The following UBR2 variants were observed in gnomAD, a reference collection of about 807,000 sequenced individuals.
UBR2 encodes the protein ubiquitin protein ligase E3 component n-recognin 2.
Under a neutral mutation model 247.9 loss-of-function variants are expected in UBR2, and 92 were observed. That is an observed-to-expected ratio of 0.37 (90% CI 0.31 to 0.44). The LOEUF (loss-of-function observed/expected upper bound fraction) is 0.44. Among genes scored for constraint, UBR2 ranks in the 20% least tolerant of loss-of-function variants. The pLI is 1.00. For synonymous variants in UBR2, 672 were observed against 693.5 expected, an observed-to-expected ratio of 0.97 and a Z score of 0.49; for missense variants, 1,613 against 2,112.6, an observed-to-expected ratio of 0.76 and a Z score of 4.64.
chr6:42,658,623 A>G (rs760851955), intron 28 of UBR2, 23 bp from the exon 29 acceptor site: 1 of 1,577,160 alleles, frequency 6.3e-7, no homozygotes, highest in African/African-American at 1.4e-5. Flanking sequence ...CTAATTGTCT[A>G]ATTGAATGGA....
At position 42,603,601 on chromosome 6, in the gene UBR2, A is replaced by G; in HGVS notation, c.545A>G (p.His182Arg). 1 of 1,563,018 alleles carries G rather than the reference A, an allele frequency of 6.4e-7. No individual in the cohort carries two copies. The highest frequency in any genetic ancestry group is 1.7e-4 in the Middle Eastern group (1 of 5,886). ...TGTTTCTTTCAGGATCCTCTTGTTCATTTATCAGAAGATGTGATAGCAAGA... is the reference window on the plus strand; with the variant it reads ...TGTTTCTTTCAGGATCCTCTTGTTCGTTTATCAGAAGATGTGATAGCAAGA... ...EIEEEEDPLV[H>R]LSEDVIARTY... The change falls in exon 5 of 47, where the codon CAT (histidine) becomes CGT (arginine). Residue 182 changes from histidine (H) to arginine (R), a missense_variant. Physicochemically the swap from His to Arg is conservative, Grantham distance 29. Transcript: ENST00000372901.
chr6:42,632,802 C>T lies in UBR2; in HGVS notation c.1446-3C>T, dbSNP rs1478904406. The T allele has an allele frequency of 1.9e-6, 3 of 1,600,214 alleles. No individual in the cohort carries two copies. The highest frequency in any genetic ancestry group is 1.8e-5 in the Admixed American group (1 of 55,760). The stretch of plus-strand genomic sequence containing the variant: ...TTGCCACTGTCACTTTTATCTTGTT[C>T]AGGTATGTGTTAATTAGCAAACCAA... On this transcript the variant is annotated splice_region_variant and splice_polypyrimidine_tract_variant and intron_variant, in intron 12 of 46. Transcript: ENST00000372901.
At chr6:42,653,866 C>G (rs958941200) in intron 25 of UBR2, among the ~76,000 whole-genome samples, 2 of 152,092 alleles carry the variant, frequency 1.3e-5, no homozygotes, top group South Asian at 2.1e-4. Context: ...ATCCACTCAC[C>G]TTGGCCTCCC....
rs59248267 is a variant in UBR2 at position 42,659,520 on chromosome 6, T to TACACACAC, written c.3243-101_3243-94dup. 5 of 502,968 alleles carry TACACACAC rather than the reference T, an allele frequency of 9.9e-6. No homozygotes were observed. Among genetic ancestry groups the TACACACAC allele is most frequent in the South Asian group, 5.3e-5 (2 of 37,482 alleles). 31.2% of individuals were successfully genotyped at this position (502,968 alleles called of 1,614,324 possible). Reference sequence around the variant, plus strand: ...GTCTCAAAAAATAAATAAATATATATACACACACACACACACACACACACA... The same window carrying TACACACAC: ...GTCTCAAAAAATAAATAAATATATATACACACACACACACACACACACACACACACACA... On this transcript the variant is annotated intron_variant, in intron 29 of 46. Coordinates refer to ENST00000372901, the MANE Select transcript of UBR2 (RefSeq NM_001363705.2). The surrounding 1 kb of genome is among the most constrained non-coding windows in gnomAD (Gnocchi z 4.3).
At chr6:42,566,961 T>C (rs955665337) in intron 1 of UBR2, among the ~76,000 whole-genome samples, 1 of 152,176 alleles carries the variant, frequency 6.6e-6, no homozygotes, top group Non-Finnish European at 1.5e-5. Flanking sequence ...TTTAAAACTG[T>C]TTTTTTCAGC....
At chr6:42,622,175 C>T (rs12153987) in intron 11 of UBR2, among the ~76,000 whole-genome samples, 37,456 of 151,768 alleles carry the variant, frequency 0.25, 5,028 homozygotes, top group East Asian at 0.45. Context: ...GCTGCCACCA[C>T]GCCTGGCTAA....
intron 11 of UBR2, chr6:42,620,481 G>GTTTTTTTTTTTTTT (rs796314344): frequency 6.0e-5 from 4 of 66,610 alleles, no homozygotes; most frequent in African/African-American, 1.5e-4. Flanking sequence ...ATTAAGTGTT[G>GTTTTTTTTTTTTTT]TTTTTTTTTT....
At chr6:42,630,628 C>T (rs2151949622) in intron 11 of UBR2, among the ~76,000 whole-genome samples, 1 of 152,176 alleles carries the variant, frequency 6.6e-6, no homozygotes, top group Admixed American at 6.5e-5. Context: ...CTAACAATAT[C>T]GTCTCTCCAC....
chr6:42,572,457 CT>C (rs537516250), intron 1 of UBR2, among the ~76,000 whole-genome samples: 11,785 of 140,510 alleles, frequency 0.084, 525 homozygotes, highest in Middle Eastern at 0.15. Context: ...CTTGAACATA[CT>C]TTTTTTTTTT....
chr6:42,676,552 C>T (rs1798731172), intron 39 of UBR2, among the ~76,000 whole-genome samples: 1 of 152,154 alleles, frequency 6.6e-6, no homozygotes, highest in East Asian at 1.9e-4. Context: ...GTTTTTCATA[C>T]ACTTTAAGAC....
Position 42,663,288 on chromosome 6 carries a change from G to A in UBR2, c.3567G>A (p.Gln1189=). ...TTGATTCCGTTCAAGCTAAAGAACA[G>A]CGAAGGCAACAGAGATTACGCTTAC... ...RYFDSVQAKE[Q]RRQQRLRLHT... The change falls in exon 32 of 47, where the codon CAG becomes CAA. Residue 1189 remains glutamine (Q), a synonymous_variant. Transcript: ENST00000372901. The A allele has an allele frequency of 1.2e-6, 2 of 1,611,482 alleles. No homozygotes were observed. Among genetic ancestry groups the A allele is most frequent in the Non-Finnish European group, 8.5e-7 (1 of 1,179,072 alleles).
chr6:42,588,259 G>T (rs955553040), intron 2 of UBR2, among the ~76,000 whole-genome samples: 1 of 152,240 alleles, frequency 6.6e-6, no homozygotes, highest in African/African-American at 2.4e-5. Context: ...ACTTAATAGG[G>T]CAAGGTGTGG....
intron 7 of UBR2, 117 bp from the exon 8 acceptor site, chr6:42,612,054 T>C: frequency 1.1e-6 from 1 of 927,350 alleles, no homozygotes; most frequent in Non-Finnish European, 1.5e-6. Flanking sequence ...CTTACATCCA[T>C]GAAAAAGTCT....
At chr6:42,670,973 G>A (rs962496673) in intron 36 of UBR2, among the ~76,000 whole-genome samples, 86 of 152,202 alleles carry the variant, frequency 5.7e-4, no homozygotes, top group Admixed American at 6.5e-4. Context: ...ATCACCTGAG[G>A]TCGGGAGTTT....
Position 42,624,338 on chromosome 6 carries a change from G to T in UBR2, c.1281+6831G>T, listed in dbSNP as rs965537531. The stretch of plus-strand genomic sequence containing the variant: ...TTTTTTTAGTGTTTGTTGAGTTGGT[G>T]GGGGGGGTGTTGCTTTGTTGCCCAG... On this transcript the variant is annotated intron_variant, in intron 11 of 46. Coordinates refer to ENST00000372901, the MANE Select transcript of UBR2 (RefSeq NM_001363705.2). 2.3e-4 allele frequency among the ~76,000 whole-genome samples: 19 copies of T among 83,048 alleles called. 1 individual carries two copies. In the East Asian group the frequency reaches 8.0e-3, roughly 35 times the overall value. The allele number at this position is 83,048 out of a possible 152,430, so 54.5% of individuals were successfully genotyped here. A position where few individuals can be genotyped will look rare whatever the true frequency, so the allele number is the denominator to read the frequency against.
rs1798054462 is a variant in UBR2 at position 42,665,487 on chromosome 6, T to A, written c.3777T>A (p.Phe1259Leu). ...CTCAGCAAATAAAAGCATTACAGTT[T>A]CTTAGGAAAGAAGAAAGTACTCCTA... ...TISQQIKALQ[F>L]LRKEESTPNN... The change falls in exon 33 of 47, where the codon TTT (phenylalanine) becomes TTA (leucine). Residue 1259 changes from phenylalanine (F) to leucine (L), a missense_variant. Physicochemically the swap from Phe to Leu is conservative, Grantham distance 22 (BLOSUM62 0). Transcript: ENST00000372901. 1 of 1,612,604 alleles carries A rather than the reference T, an allele frequency of 6.2e-7. No individual in the cohort carries two copies. Among genetic ancestry groups the A allele is most frequent in the Non-Finnish European group, 8.5e-7 (1 of 1,179,202 alleles).
intron 11 of UBR2, chr6:42,619,453 A>AATTTTT (rs1554251971): frequency 4.2e-5 from 1 of 23,716 alleles, no homozygotes; most frequent in African/African-American, 1.2e-4. Flanking sequence ...ATATATATAT[A>AATTTTT]TTTTTTTTTT....
chr6:42,638,571 A>G (rs888063863), intron 15 of UBR2, among the ~76,000 whole-genome samples: 1 of 152,222 alleles, frequency 6.6e-6, no homozygotes, highest in Admixed American at 6.5e-5. Context: ...TCTTATTTCT[A>G]TAACTTGTTC....
chr6:42,564,460 C>G, intron 1 of UBR2, 63 bp downstream of exon 1: 2 of 1,554,048 alleles, frequency 1.3e-6, no homozygotes, highest in South Asian at 2.4e-5. Context: ...GGGGAGGAAC[C>G]GACTCCTGGA....
Sources: allele counts gnomAD v4.1 joint callset (sites outside exome capture counted in the v4.1 genomes callset), GRCh38; gene constraint gnomAD v4.1.1; non-coding constraint Gnocchi (gnomAD v3.1); transcripts MANE v1.5; gene names NCBI Gene and HGNC (gene_info 2026-07-23, HGNC 2026-07-21).